PXDNL: variants seen among roughly 807,000 people sequenced by gnomAD.
The protein encoded by PXDNL is peroxidasin like.
Under a neutral mutation model 150.8 loss-of-function variants are expected in PXDNL, and 145 were observed. That is an observed-to-expected ratio of 0.96 (90% CI 0.84 to 1.10). The LOEUF is 1.10. PXDNL is among the 50% of genes least tolerant of loss of function. The pLI, the probability that PXDNL is intolerant of heterozygous loss-of-function variation, is 0.00. For synonymous variants in PXDNL, 757 were observed against 725.7 expected, an observed-to-expected ratio of 1.04 and a Z score of -0.69; for missense variants, 2,087 against 1,873.9, an observed-to-expected ratio of 1.11 and a Z score of -2.10.
chr8:51,444,716 C>A (rs917706031), intron 12 of PXDNL, among the ~76,000 whole-genome samples: 9 of 152,088 alleles, frequency 5.9e-5, no homozygotes, highest in African/African-American at 2.2e-4. Flanking sequence ...TCCTCATAAT[C>A]TCAGAGATAA....
chr8:51,733,716 G>T (rs1816975219), intron 1 of PXDNL, among the ~76,000 whole-genome samples: 1 of 151,496 alleles, frequency 6.6e-6, no homozygotes, highest in African/African-American at 2.4e-5. Flanking sequence ...GCTGAGGCAG[G>T]AGAATCACTT....
chr8:51,535,839 A>G (rs1321535234), intron 4 of PXDNL, among the ~76,000 whole-genome samples: 1 of 152,232 alleles, frequency 6.6e-6, no homozygotes, highest in Non-Finnish European at 1.5e-5. Flanking sequence ...AAAAGAAAAG[A>G]ATATTCCTTA....
intron 6 of PXDNL, among the ~76,000 whole-genome samples, chr8:51,479,426 C>T (rs1341962170): frequency 6.6e-6 from 1 of 152,122 alleles, no homozygotes; most frequent in African/African-American, 2.4e-5. Context: ...ATGGAACATC[C>T]TATGACCCTG....
chr8:51,770,865 G>A (rs2037285909), intron 1 of PXDNL, among the ~76,000 whole-genome samples: 1 of 152,172 alleles, frequency 6.6e-6, no homozygotes. Flanking sequence ...CAGAGGGAGA[G>A]CAGCTCTTCA....
At chr8:51,698,336 CT>C (rs1490469961) in intron 1 of PXDNL, among the ~76,000 whole-genome samples, 43 of 152,170 alleles carry the variant, frequency 2.8e-4, no homozygotes, top group Non-Finnish European at 1.3e-4. Flanking sequence ...TTCTAAATTG[CT>C]TTGTTTTCAT....
intron 1 of PXDNL, among the ~76,000 whole-genome samples, chr8:51,799,664 A>C (rs2037598328): frequency 6.6e-6 from 1 of 152,218 alleles, no homozygotes; most frequent in African/African-American, 2.4e-5. Flanking sequence ...AGAGTTGGCC[A>C]AAATATAGAC....
intron 4 of PXDNL, among the ~76,000 whole-genome samples, chr8:51,548,781 G>T (rs1389758524): frequency 6.6e-6 from 1 of 152,002 alleles, no homozygotes; most frequent in Non-Finnish European, 1.5e-5. Context: ...AAAAAACAAG[G>T]TATTCAGGCA....
intron 1 of PXDNL, among the ~76,000 whole-genome samples, chr8:51,672,473 T>G (rs2130831122): frequency 6.6e-6 from 1 of 152,276 alleles, no homozygotes; most frequent in Middle Eastern, 3.4e-3. Flanking sequence ...TATGGCTTCG[T>G]TTCTGCCTGG....
At chr8:51,640,885 C>G (rs1814734602) in intron 2 of PXDNL, among the ~76,000 whole-genome samples, 1 of 151,922 alleles carries the variant, frequency 6.6e-6, no homozygotes, top group Admixed American at 6.6e-5. Context: ...AAAAAAGAGC[C>G]CGCATCGCCA....
At chr8:51,415,664 T>C (rs969099260) in intron 14 of PXDNL, among the ~76,000 whole-genome samples, 1 of 152,288 alleles carries the variant, frequency 6.6e-6, no homozygotes, top group East Asian at 1.9e-4. Context: ...TGGAATGTCA[T>C]GCAACAGTTA....
chr8:51,640,939 A>C (rs1236907112), intron 2 of PXDNL, among the ~76,000 whole-genome samples: 1 of 152,158 alleles, frequency 6.6e-6, no homozygotes, highest in African/African-American at 2.4e-5. Flanking sequence ...GCATCACGCT[A>C]CCTGACTTCA....
chr8:51,802,766 C>T (rs566265297), intron 1 of PXDNL, among the ~76,000 whole-genome samples: 1 of 152,224 alleles, frequency 6.6e-6, no homozygotes, highest in South Asian at 2.1e-4. Context: ...TGTGATATAC[C>T]CCTTCATGCA....
chr8:51,609,226 TA>T (rs530845255), intron 2 of PXDNL, among the ~76,000 whole-genome samples: 3 of 152,106 alleles, frequency 2.0e-5, no homozygotes, highest in Non-Finnish European at 4.4e-5. Flanking sequence ...TTCCCATCTG[TA>T]AAAAAGAAAA....
intron 3 of PXDNL, among the ~76,000 whole-genome samples, chr8:51,573,740 A>G (rs570195194): frequency 6.6e-6 from 1 of 152,150 alleles, no homozygotes; most frequent in East Asian, 1.9e-4. Context: ...AATAAGATCC[A>G]GGATCTCCTC....
rs901964113 is a variant in PXDNL at position 51,613,970 on chromosome 8, A to T, written c.237-21272T>A. 9.2e-5 allele frequency among the ~76,000 whole-genome samples: 14 copies of T among 152,324 alleles called. No individual in the cohort carries two copies. In the East Asian group the frequency reaches 2.3e-3, roughly 25 times the overall value. On this transcript the variant is annotated intron_variant, in intron 2 of 22. Coordinates refer to ENST00000356297, the MANE Select transcript of PXDNL (RefSeq NM_144651.5). ...TCCTAGGTTTCTGGGCCTGAAAGAA[A>T]GTGTGCTGAAGCAGCAGGAAGTGAT...
chr8:51,368,667 A>T (rs1485855435), intron 19 of PXDNL, among the ~76,000 whole-genome samples: 1 of 152,194 alleles, frequency 6.6e-6, no homozygotes, highest in African/African-American at 2.4e-5. Flanking sequence ...TCCCAAACGG[A>T]GGTCTCTATT....
intron 1 of PXDNL, among the ~76,000 whole-genome samples, chr8:51,760,919 C>A (rs899922527): frequency 8.1e-6 from 1 of 122,962 alleles, no homozygotes; most frequent in African/African-American, 3.1e-5. Context: ...AGTGCAGTGG[C>A]GCGATCTCAG....
chr8:51,447,512 G>A (rs1809703353), intron 11 of PXDNL, among the ~76,000 whole-genome samples: 2 of 152,128 alleles, frequency 1.3e-5, no homozygotes, highest in African/African-American at 2.4e-5. Context: ...ATATCTTCGT[G>A]ACAGTTGTTT....
chr8:51,600,583 T>C (rs1232994055), intron 2 of PXDNL, among the ~76,000 whole-genome samples: 6 of 136,146 alleles, frequency 4.4e-5, no homozygotes, highest in African/African-American at 1.6e-4. Context: ...TAATAAATTA[T>C]ATCTTATATA....
Sources: gnomAD v4.1 joint callset for allele counts (sites outside exome capture counted in the v4.1 genomes callset) on GRCh38, gnomAD v4.1.1 for gene constraint, MANE v1.5 for transcripts, NCBI Gene and HGNC (gene_info 2026-07-23, HGNC 2026-07-21) for gene names.